TACC2: variants seen among roughly 807,000 people sequenced by gnomAD.
TACC2 encodes the protein transforming acidic coiled-coil containing protein 2.
A neutral mutation model predicts 227.3 loss-of-function variants in TACC2; 137 were observed. The observed-to-expected ratio is 0.60, with a 90% confidence interval of 0.52 to 0.69. The LOEUF (loss-of-function observed/expected upper bound fraction) is 0.69. Ranked by LOEUF, TACC2 falls within the 30% of genes least tolerant of loss-of-function variation. TACC2 has a pLI of 0.00. For synonymous variants in TACC2, 1,523 were observed against 1,487.5 expected (o/e 1.02, Z -0.55); for missense variants, 3,470 against 3,694.4 (o/e 0.94, Z 1.57).
At chr10:122,142,278 A>G (rs553995136) in intron 6 of TACC2, among the ~76,000 whole-genome samples, 1 of 152,338 alleles carries the variant, frequency 6.6e-6, no homozygotes, top group Admixed American at 6.5e-5. Context: ...CCAGTTGGAC[A>G]CTTGGCGGTA....
intron 6 of TACC2, among the ~76,000 whole-genome samples, chr10:122,133,318 G>A (rs956762468): frequency 9.2e-5 from 14 of 152,002 alleles, no homozygotes; most frequent in Admixed American, 1.3e-4. Context: ...ACGGTTCTCC[G>A]TCTACACTGT....
intron 5 of TACC2, among the ~76,000 whole-genome samples, chr10:122,112,553 G>A (rs930073485): frequency 1.3e-5 from 2 of 152,188 alleles, no homozygotes; most frequent in African/African-American, 2.4e-5. Context: ...AGGAACAAGC[G>A]AGGCACCATT....
At chr10:122,119,487 A>T (rs1237127701) in intron 5 of TACC2, among the ~76,000 whole-genome samples, 1 of 152,190 alleles carries the variant, frequency 6.6e-6, no homozygotes, top group African/African-American at 2.4e-5. Flanking sequence ...TCCTCAGCTG[A>T]GATCTTGATC....
Position 122,125,393 on chromosome 10 carries a change from G to A in TACC2, c.5574-7216G>A, listed in dbSNP as rs138121015. Among the ~76,000 whole-genome samples the A allele has an allele frequency of 6.1e-4, 92 of 151,898 alleles. No individual in the cohort carries two copies. The East Asian group carries it at 0.01, about 17-fold the overall frequency. ...TGTATTTTTTTTTAGTAGAGATTGGGTTTTGCTATGTTGCTCAGGCTGGTC... is the reference window on the plus strand; with the variant it reads ...TGTATTTTTTTTTAGTAGAGATTGGATTTTGCTATGTTGCTCAGGCTGGTC... On this transcript the variant is annotated intron_variant, in intron 5 of 22. Coordinates refer to ENST00000369005, the MANE Select transcript of TACC2 (RefSeq NM_206862.4).
intron 9 of TACC2, 107 bp downstream of exon 9, chr10:122,211,815 G>A: frequency 1.0e-6 from 1 of 983,406 alleles, no homozygotes. Context: ...CCTTGCCCCT[G>A]GGTGCTGTGA....
In TACC2 at chr10:122,210,430, G is replaced by C; in HGVS notation, c.6005G>C (p.Gly2002Ala). The C allele has an allele frequency of 1.9e-6, 3 of 1,614,052 alleles. No individual in the cohort carries two copies. Among genetic ancestry groups the C allele is most frequent in the Non-Finnish European group, 2.5e-6 (3 of 1,179,974 alleles). Residue 2002 changes from glycine to alanine, a missense_variant, in exon 9 of 23, where the codon GGC becomes GCC. Coordinates refer to ENST00000369005, the MANE Select transcript of TACC2 (RefSeq NM_206862.4). The surrounding 1 kb of genome is among the most constrained non-coding windows in gnomAD (Gnocchi z 4.6). ...TCTGAGACAGTCCCTGTCCCTGATG[G>C]CCCACGGAGCGACTCGGTGGAAGGA... is the stretch of plus-strand genomic sequence containing the variant. ...CGSETVPVPDGPRSDSVEGSP... is the reference protein window; with the variant it reads ...CGSETVPVPDAPRSDSVEGSP...
At chr10:122,152,999 C>CTTTTTTT (rs150943859) in intron 7 of TACC2, among the ~76,000 whole-genome samples, 3 of 135,024 alleles carry the variant, frequency 2.2e-5, no homozygotes, top group East Asian at 2.3e-4. Flanking sequence ...TTCTTTCTTT[C>CTTTTTTT]TTTTTTTTTT....
chr10:122,206,272 C>CT (rs2095103865), intron 8 of TACC2, among the ~76,000 whole-genome samples: 1 of 152,260 alleles, frequency 6.6e-6, no homozygotes, highest in Non-Finnish European at 1.5e-5. Context: ...CCTGTCATCT[C>CT]TAACACATTC....
At chr10:122,043,515 TTC>T (rs2074580496) in intron 2 of TACC2, among the ~76,000 whole-genome samples, 1 of 59,064 alleles carries the variant, frequency 1.7e-5, no homozygotes, top group South Asian at 6.9e-4. Flanking sequence ...CTCTTTCTTT[TTC>T]TTTCTTTTCT....
chr10:122,114,498 C>T (rs1386228590), intron 5 of TACC2, among the ~76,000 whole-genome samples: 1 of 152,200 alleles, frequency 6.6e-6, no homozygotes, highest in Admixed American at 6.5e-5. Flanking sequence ...CTTCTCAGGC[C>T]AGGCGGGAGG....
At chr10:122,016,858 A>G (rs983574712) in intron 1 of TACC2, among the ~76,000 whole-genome samples, 2 of 152,212 alleles carry the variant, frequency 1.3e-5, no homozygotes, top group African/African-American at 4.8e-5. Context: ...AAGACCTTTC[A>G]AGAGGTAATT....
intron 7 of TACC2, chr10:122,163,761 AGCTCCCTGCCGCC>A (rs1361226196): frequency 1.7e-6 from 2 of 1,206,192 alleles, no homozygotes; most frequent in Non-Finnish European, 2.1e-6. Context: ...CGCGAGTCGC[AGCTCCCTGCCGCC>A]GCTCCCGCCG....
intron 7 of TACC2, among the ~76,000 whole-genome samples, chr10:122,185,911 T>C (rs2140361677): frequency 6.6e-6 from 1 of 152,338 alleles, no homozygotes; most frequent in South Asian, 2.1e-4. Flanking sequence ...TTCTTATTAG[T>C]ATTCATAAGT....
At chr10:122,166,859 T>G (rs745600265) in intron 7 of TACC2, among the ~76,000 whole-genome samples, 2 of 152,146 alleles carry the variant, frequency 1.3e-5, no homozygotes, top group Non-Finnish European at 2.9e-5. Context: ...GGAGGGAGAA[T>G]TCTCCCACAG....
chr10:122,132,564 T>C (rs761820354), intron 5 of TACC2, 45 bp from the exon 6 acceptor site: 1 of 1,611,140 alleles, frequency 6.2e-7, no homozygotes, highest in South Asian at 1.1e-5. Context: ...CAAAAACTTG[T>C]AGGAATGTTT....
chr10:122,175,434 G>A (rs1015691152), intron 7 of TACC2, among the ~76,000 whole-genome samples: 5 of 152,160 alleles, frequency 3.3e-5, no homozygotes, highest in Admixed American at 6.5e-5. Context: ...CTTCATTCCC[G>A]TGCTAATCCT....
intron 5 of TACC2, among the ~76,000 whole-genome samples, chr10:122,120,065 C>T (rs1053610425): frequency 1.3e-5 from 2 of 152,156 alleles, no homozygotes; most frequent in Non-Finnish European, 2.9e-5. Flanking sequence ...GATGCGGAAA[C>T]AACAGTAGTC....
intron 5 of TACC2, among the ~76,000 whole-genome samples, chr10:122,096,131 T>C (rs919200947): frequency 3.9e-5 from 6 of 152,132 alleles, no homozygotes; most frequent in Non-Finnish European, 5.9e-5. Flanking sequence ...GACCAAGTGG[T>C]TGTGTCTCTA....
chr10:122,109,798 C>G (rs995043141), intron 5 of TACC2, among the ~76,000 whole-genome samples: 1 of 152,110 alleles, frequency 6.6e-6, no homozygotes, highest in Non-Finnish European at 1.5e-5. Context: ...TTATCCGGTT[C>G]TCTCCACTTA....
Sources: gnomAD v4.1 joint callset for allele counts (sites outside exome capture counted in the v4.1 genomes callset) on GRCh38, gnomAD v4.1.1 for gene constraint, Gnocchi (gnomAD v3.1) non-coding constraint, MANE v1.5 for transcripts, NCBI Gene and HGNC (gene_info 2026-07-23, HGNC 2026-07-21) for gene names.